KSR2: variants seen among roughly 807,000 people sequenced by gnomAD.
The protein encoded by KSR2 is kinase suppressor of ras 2.
Under a neutral mutation model 107.8 loss-of-function variants are expected in KSR2, and 25 were observed. That is an observed-to-expected ratio of 0.23 (90% CI 0.17 to 0.32). The LOEUF (loss-of-function observed/expected upper bound fraction) is 0.32, where lower values mean the gene tolerates loss of function less well. KSR2 is among the 10% of genes least tolerant of loss of function. KSR2 has a pLI of 1.00. For missense variants in KSR2, 887 were observed against 1,268.9 expected, an observed-to-expected ratio of 0.70 and a Z score of 4.57; for synonymous variants, 480 against 507.0, an observed-to-expected ratio of 0.95 and a Z score of 0.71.
At chr12:117,565,397 G>A (rs549685680) in intron 7 of KSR2, among the ~76,000 whole-genome samples, 1 of 152,272 alleles carries the variant, frequency 6.6e-6, no homozygotes, top group African/African-American at 2.4e-5. Context: ...ATATCCAATT[G>A]AGGAAACATT....
intron 14 of KSR2, among the ~76,000 whole-genome samples, chr12:117,503,141 G>T (rs1384239583): frequency 6.6e-6 from 1 of 152,138 alleles, no homozygotes; most frequent in African/African-American, 2.4e-5. Context: ...TAGAGGTTAG[G>T]AGCTTGGAAT....
intron 1 of KSR2, among the ~76,000 whole-genome samples, chr12:117,960,589 C>G (rs1056388476): frequency 2.0e-5 from 3 of 152,124 alleles, no homozygotes. Context: ...GTTGAGCCAT[C>G]AGATAAACAC....
chr12:117,797,994 G>T (rs1371355065), intron 3 of KSR2, among the ~76,000 whole-genome samples: 1 of 152,136 alleles, frequency 6.6e-6, no homozygotes, highest in Non-Finnish European at 1.5e-5. Context: ...GTAGAACAGG[G>T]GTAAATGCCT....
chr12:117,774,546 C>A (rs77642513), intron 3 of KSR2, among the ~76,000 whole-genome samples: 1 of 152,114 alleles, frequency 6.6e-6, no homozygotes, highest in African/African-American at 2.4e-5. Context: ...ATGCCTCCCA[C>A]GTCCTGCTCT....
chr12:117,778,974 A>T (rs1322545594), intron 3 of KSR2, among the ~76,000 whole-genome samples: 1 of 152,116 alleles, frequency 6.6e-6, no homozygotes, highest in Admixed American at 6.5e-5. Context: ...CCAACAACTG[A>T]CTTGGGGCGC....
intron 13 of KSR2, among the ~76,000 whole-genome samples, chr12:117,526,193 G>GCA (rs1875147594): frequency 1.3e-5 from 2 of 152,212 alleles, no homozygotes; most frequent in African/African-American, 2.4e-5. Context: ...TTTTTATCAT[G>GCA]CACACACACG....
chr12:117,538,555 G>A (rs1876218312), intron 10 of KSR2, among the ~76,000 whole-genome samples: 1 of 152,010 alleles, frequency 6.6e-6, no homozygotes, highest in African/African-American at 2.4e-5. Flanking sequence ...TTTTTTCATA[G>A]TGTGAAGCTT....
At chr12:117,776,781 G>A (rs763045953) in intron 3 of KSR2, among the ~76,000 whole-genome samples, 21 of 151,860 alleles carry the variant, frequency 1.4e-4, no homozygotes, top group Non-Finnish European at 2.6e-4. Context: ...TCACCTTGGG[G>A]AGGCTTCCCC....
At chr12:117,863,316 A>C (rs1222179484) in intron 1 of KSR2, among the ~76,000 whole-genome samples, 2 of 152,162 alleles carry the variant, frequency 1.3e-5, no homozygotes, top group Non-Finnish European at 2.9e-5. Context: ...GGAAGACAAG[A>C]GCTGCCTGGA....
intron 4 of KSR2, among the ~76,000 whole-genome samples, chr12:117,755,455 G>A (rs1306954754): frequency 2.6e-5 from 4 of 152,152 alleles, no homozygotes; most frequent in Non-Finnish European, 4.4e-5. Context: ...TCTGTGATCA[G>A]TGATCTTTCA....
chr12:117,749,062 C>T (rs1206264894), intron 4 of KSR2, among the ~76,000 whole-genome samples: 4 of 148,870 alleles, frequency 2.7e-5, no homozygotes, highest in Admixed American at 1.3e-4. Context: ...CCAAGGACAA[C>T]ACCAAGCCCC....
At chr12:117,574,490 G>A (rs759142447) in intron 7 of KSR2, among the ~76,000 whole-genome samples, 3 of 152,074 alleles carry the variant, frequency 2.0e-5, no homozygotes, top group Non-Finnish European at 4.4e-5. Flanking sequence ...CAAAGGCCGC[G>A]ACAAGAGAGA....
At chr12:117,563,216 A>G (rs1351178094) in intron 7 of KSR2, among the ~76,000 whole-genome samples, 1 of 152,102 alleles carries the variant, frequency 6.6e-6, no homozygotes. Flanking sequence ...CAAGGTCCTG[A>G]TTGGGTAAGT....
At chr12:117,485,914 G>A (rs754903442) in intron 14 of KSR2, among the ~76,000 whole-genome samples, 4 of 152,154 alleles carry the variant, frequency 2.6e-5, no homozygotes, top group Non-Finnish European at 5.9e-5. Context: ...GTGGCTGACC[G>A]ACAAGGACAC....
chr12:117,803,144 T>C (rs1055231479), intron 3 of KSR2, among the ~76,000 whole-genome samples: 15 of 152,162 alleles, frequency 9.9e-5, no homozygotes, highest in Admixed American at 9.8e-4. Context: ...CAGAGTTAAG[T>C]AATAACAAGC....
At position 117,905,421 on chromosome 12, in the gene KSR2, C is replaced by T. The variant is rs564900360; in HGVS notation, c.181-44990G>A. On this transcript the variant is annotated intron_variant, in intron 1 of 19. Coordinates refer to ENST00000339824, the MANE Select transcript of KSR2 (RefSeq NM_173598.6). ...CTATTAAAATGCAAAATGTTTTGCC[C>T]GCGGACTCCACTCCAGCCCCAAATC... 2.0e-5 allele frequency among the ~76,000 whole-genome samples: 3 copies of T among 151,886 alleles called. 1 individual carries two copies. The highest frequency in any genetic ancestry group is 4.4e-5 in the Non-Finnish European group (3 of 67,998).
intron 3 of KSR2, among the ~76,000 whole-genome samples, chr12:117,784,122 T>C (rs1889978629): frequency 6.6e-6 from 1 of 152,212 alleles, no homozygotes; most frequent in Admixed American, 6.5e-5. Context: ...ATGCTCAGGT[T>C]TGGGGTATGA....
chr12:117,536,178 T>C (rs1192685573), intron 10 of KSR2, among the ~76,000 whole-genome samples: 1 of 152,218 alleles, frequency 6.6e-6, no homozygotes, highest in Non-Finnish European at 1.5e-5. Flanking sequence ...GAATCAGTGC[T>C]GGGGACATTG....
intron 3 of KSR2, among the ~76,000 whole-genome samples, chr12:117,770,048 C>T (rs1435659195): frequency 6.9e-6 from 1 of 145,624 alleles, no homozygotes; most frequent in Non-Finnish European, 1.5e-5. Context: ...GAGTGAAACT[C>T]CATCTCAAAA....
Sources: gnomAD v4.1 joint callset for allele counts (sites outside exome capture counted in the v4.1 genomes callset) on GRCh38, gnomAD v4.1.1 for gene constraint, MANE v1.5 for transcripts, NCBI Gene and HGNC (gene_info 2026-07-23, HGNC 2026-07-21) for gene names.